TTN: variants seen among roughly 807,000 people sequenced by gnomAD.
TTN encodes the protein connectin.
Under a neutral mutation model 3,223.0 loss-of-function variants are expected in TTN, and 1,525 were observed. The observed-to-expected ratio is 0.47, with a 90% CI of 0.45 to 0.49. The LOEUF (loss-of-function observed/expected upper bound fraction) is 0.49, where lower values mean the gene tolerates loss of function less well. Ranked by LOEUF, TTN falls within the 20% of genes least tolerant of loss-of-function variation. The pLI, the probability that TTN is intolerant of heterozygous loss-of-function variation, is 0.00. For synonymous variants in TTN, 14,094 were observed against 15,161.0 expected (o/e 0.93, Z 5.17); for missense variants, 40,786 against 43,424.0 (o/e 0.94, Z 5.40).
rs397517765 is a variant in TTN, at chr2:178,542,876, C to T, written c.96978G>A (p.Leu32326=). The change falls in exon 348 of 363, where the codon CTG becomes CTA. Residue 32326 remains leucine (L), a synonymous_variant. Coordinates refer to ENST00000589042, the MANE Select transcript of TTN (RefSeq NM_001267550.2). The part of the protein sequence containing the change: ...IHVPAGRPVE[L]VIPIAGRPPP... ...GTGGACGGCCAGCAATAGGTATCAC[C>T]AGCTCTACTGGTCTGCCAGCTGGGA... 1.1e-5 allele frequency: 18 copies of T among 1,613,642 alleles called. No individual in the cohort carries two copies. The highest frequency in any genetic ancestry group is 3.3e-4 in the Middle Eastern group (2 of 6,082).
Position 178,782,280 on chromosome 2 carries a change from T to C in TTN, c.3312A>G (p.Gln1104=). Residue 1104 remains glutamine (Q), a synonymous_variant, in exon 20 of 363, where the codon CAA becomes CAG. Coordinates refer to ENST00000589042, the MANE Select transcript of TTN (RefSeq NM_001267550.2). ...VEGGSVVFGC[Q]VGGNPKPHVY... Reference sequence around the variant, plus strand: ...CATGGGGCTTTGGGTTGCCGCCAACTTGGCATCCAAACACCACGCTCCCAC... The same window carrying C: ...CATGGGGCTTTGGGTTGCCGCCAACCTGGCATCCAAACACCACGCTCCCAC... 1 of 1,614,122 alleles carries C rather than the reference T, an allele frequency of 6.2e-7. No individual in the cohort carries two copies. The highest frequency in any genetic ancestry group is 1.1e-5 in the South Asian group (1 of 91,074).
chr2:178,748,927 A>G (rs367922091), intron 47 of TTN: 17 of 1,612,458 alleles, frequency 1.1e-5, no homozygotes, highest in Non-Finnish European at 1.1e-5. Context: ...AGGCTTTGTC[A>G]TCAATCTTCT....
rs2057437316 is a variant in TTN, at chr2:178,616,904, G to A, written c.47985C>T (p.Thr15995=). 6.2e-7 allele frequency: 1 copy of A among 1,612,562 alleles called. No individual in the cohort carries two copies. The highest frequency in any genetic ancestry group is 1.7e-5 in the Admixed American group (1 of 59,880). The change falls in exon 256 of 363, where the codon ACC becomes ACT. Residue 15995 remains threonine (T), a synonymous_variant. Coordinates refer to ENST00000589042, the MANE Select transcript of TTN (RefSeq NM_001267550.2). ...CTAGTACTTTATCTCCAAAACACCA[G>A]GTTGCAGTTGGCCTTGGATAGCCTG... ...PSTGYPRPTA[T]WCFGDKVLET...
At chr2:178,759,319 T>C (rs1178732122) in intron 43 of TTN, 147 bp from the exon 44 acceptor site, 3 of 753,564 alleles carry the variant, frequency 4.0e-6, no homozygotes, top group Non-Finnish European at 6.6e-6. Flanking sequence ...ATGCCATATC[T>C]ACTATTGTTA....
In TTN at chr2:178,584,872, C is replaced by T. The variant is rs972890341; in HGVS notation, c.64769G>A (p.Ser21590Asn). 6 of 1,613,404 alleles carry T rather than the reference C, an allele frequency of 3.7e-6. No homozygotes were observed. Among genetic ancestry groups the T allele is most frequent in the Middle Eastern group, 1.7e-4 (1 of 6,054 alleles). Reference protein sequence around the residue: ...SWHIPLEDGGSNITNYIVEKC... With the variant: ...SWHIPLEDGGNNITNYIVEKC... ...CTCCACTATATAATTGGTGATGTTA[C>T]TGCCTCCGTCCTCCAGAGGGATGTG... is the stretch of plus-strand genomic sequence containing the variant. The change falls in exon 310 of 363, where the codon AGT becomes AAT. Residue 21590 changes from serine to asparagine, a missense_variant. By Grantham distance (46) the Ser-to-Asn change is conservative. Coordinates refer to ENST00000589042, the MANE Select transcript of TTN (RefSeq NM_001267550.2).
chr2:178,612,464 A>C lies in TTN; in HGVS notation c.50061T>G (p.Ile16687Met), dbSNP rs1559789920. The change falls in exon 266 of 363, where the codon ATT becomes ATG. Residue 16687 changes from isoleucine to methionine, a missense_variant. Ile to Met is a conservative substitution (Grantham distance 10). Transcript: ENST00000589042. ...KDGGSPITNY[I>M]VEKRDVRRKG... ...TTCGCCTGACGTCTCTCTTTTCCAC[A>C]ATGTAGTTGGTGATGGGGGACCCTC... The C allele has an allele frequency of 6.2e-7, 1 of 1,612,214 alleles. No individual in the cohort carries two copies. Among genetic ancestry groups the C allele is most frequent in the East Asian group, 2.2e-5 (1 of 44,542 alleles).
intron 1 of TTN, among the ~76,000 whole-genome samples, chr2:178,805,398 A>C (rs1390722826): frequency 6.6e-6 from 1 of 152,008 alleles, no homozygotes; most frequent in Non-Finnish European, 1.5e-5. Flanking sequence ...CAGCTTAGTA[A>C]GTGAAAATTA....
Position 178,756,686 on chromosome 2 carries a change from T to C in TTN, c.10790A>G (p.Glu3597Gly). The change falls in exon 46 of 363, where the codon GAA becomes GGA. Residue 3597 changes from glutamate (E) to glycine (G), a missense_variant. Physicochemically the swap from Glu to Gly is moderately conservative, Grantham distance 98. Transcript: ENST00000589042. ...TGATGATCCTTGAAATGACTTAATT[T>C]CCTTTTGAGATATTTTGCTCTCCTC... ...TKEESKISQK[E>G]IKSFQGSSYE... 6.2e-7 allele frequency: 1 copy of C among 1,613,840 alleles called. No homozygotes were observed. The highest frequency in any genetic ancestry group is 2.2e-5 in the East Asian group (1 of 44,840).
At position 178,675,555 on chromosome 2, in the gene TTN, G is replaced by T. The variant is rs2067893745; in HGVS notation, c.34537+116C>A. On this transcript the variant is annotated intron_variant, in intron 149 of 362. Transcript: ENST00000589042. ...ACTTGGGTGCAAAAGAGTCAGAAAT[G>T]ACGAATGTGAATGACAGACCATACA... 3.6e-6 allele frequency: 3 copies of T among 829,234 alleles called. No homozygotes were observed. In the Admixed American group the frequency reaches 1.2e-4, roughly 32 times the overall value. 51.4% of individuals were successfully genotyped at this position (829,234 alleles called of 1,614,324 possible). A position where few individuals can be genotyped will look rare whatever the true frequency, so the allele number is the denominator to read the frequency against.
intron 237 of TTN, 40 bp from the exon 238 acceptor site, chr2:178,630,983 G>A (rs1421868471): frequency 3.1e-6 from 5 of 1,611,280 alleles, no homozygotes; most frequent in Admixed American, 1.7e-5. Context: ...TTAGCCTCTG[G>A]CACAAATAAC....
chr2:178,757,449 T>C, intron 45 of TTN, 93 bp downstream of exon 45: 1 of 1,432,104 alleles, frequency 7.0e-7, no homozygotes, highest in Non-Finnish European at 9.2e-7. Flanking sequence ...GACCACAGTA[T>C]GCAATAAAAC....
Position 178,619,815 on chromosome 2 carries a change from G to A in TTN, c.46502C>T (p.Ala15501Val). The A allele has an allele frequency of 6.2e-7, 1 of 1,612,084 alleles. No individual in the cohort carries two copies. Among genetic ancestry groups the A allele is most frequent in the Non-Finnish European group, 8.5e-7 (1 of 1,178,866 alleles). The change falls in exon 250 of 363, where the codon GCA becomes GTA. Residue 15501 changes from alanine to valine, a missense_variant. Ala to Val is a moderately conservative substitution (Grantham distance 64). Coordinates refer to ENST00000589042, the MANE Select transcript of TTN (RefSeq NM_001267550.2). Reference sequence around the variant, plus strand: ...TTCCACCTTATCTTTATTGAGTTCTGCTAAAAAGACAACATCAGCACCAGG... The same window carrying A: ...TTCCACCTTATCTTTATTGAGTTCTACTAAAAAGACAACATCAGCACCAGG... ...EAPGADVVFL[A>V]ELNKDKVEVQ...
In TTN at chr2:178,541,295, G is replaced by A; in HGVS notation, c.97782C>T (p.Ala32594=). 1.3e-6 allele frequency: 2 copies of A among 1,508,436 alleles called. No individual in the cohort carries two copies. Among genetic ancestry groups the A allele is most frequent in the Non-Finnish European group, 1.8e-6 (2 of 1,119,242 alleles). 93.4% of individuals were successfully genotyped at this position (1,508,436 alleles called of 1,614,324 possible). ...KPSRPSKPIV[A]MDPIAPPGKP... ...AAATGTCCTTACCAATTGGATCCAT[G>A]GCAACGATGGGTTTGGAAGGACGAC... Residue 32594 remains alanine, a synonymous_variant, in exon 350 of 363, where the codon GCC becomes GCT. Transcript: ENST00000589042.
Position 178,546,474 on chromosome 2 carries a change from T to C in TTN, c.94857A>G (p.Arg31619=). The part of the protein sequence containing the change: ...YAPPKAELDA[R]LHGDLVTIRA... The stretch of plus-strand genomic sequence containing the variant: ...TGATGGTAACCAGATCACCGTGTAA[T>C]CGGGCATCCAGTTCGGCTTTGGGTG... The change falls in exon 342 of 363, where the codon CGA becomes CGG. Residue 31619 remains arginine, a synonymous_variant. Coordinates refer to ENST00000589042, the MANE Select transcript of TTN (RefSeq NM_001267550.2). 1 of 1,612,852 alleles carries C rather than the reference T, an allele frequency of 6.2e-7. No homozygotes were observed. The highest frequency in any genetic ancestry group is 1.1e-5 in the South Asian group (1 of 91,024).
Position 178,531,464 on chromosome 2 carries a change from A to G in TTN, c.105151T>C (p.Ser35051Pro). The G allele has an allele frequency of 1.2e-6, 2 of 1,613,904 alleles. No homozygotes were observed. The highest frequency in any genetic ancestry group is 8.5e-7 in the Non-Finnish European group (1 of 1,179,886). The change falls in exon 358 of 363, where the codon TCT (serine) becomes CCT (proline). Residue 35051 changes from serine to proline, a missense_variant. Transcript: ENST00000589042. ...GTTCTTGTCAGCTCAGGGAAAACAG[A>G]TCTGGGGACCTCTTCATCTCTGCGT... ...SQRRDEEVPR[S>P]VFPELTRTEA...
chr2:178,610,589 C>T (rs1219646339), intron 270 of TTN, among the ~76,000 whole-genome samples, 200 bp from the exon 271 acceptor site: 1 of 151,844 alleles, frequency 6.6e-6, no homozygotes, highest in African/African-American at 2.4e-5. Context: ...GTCTGTGTGC[C>T]AAGCAAAAAT....
Position 178,581,428 on chromosome 2 carries a change from G to T in TTN, c.66769+71C>A. 2.3e-6 allele frequency: 3 copies of T among 1,313,974 alleles called. No homozygotes were observed. The South Asian group carries it at 4.5e-5, about 20-fold the overall frequency. The allele number at this position is 1,313,974 out of a possible 1,614,324, so 81.4% of individuals were successfully genotyped here. Reference sequence around the variant, plus strand: ...TTGTTAATAAATTAATCTACCTAAGGGAGTTCTAGTCTCCCTCTTAGAATA... The same window carrying T: ...TTGTTAATAAATTAATCTACCTAAGTGAGTTCTAGTCTCCCTCTTAGAATA... On this transcript the variant is annotated intron_variant, in intron 316 of 362. Transcript: ENST00000589042.
Position 178,689,388 on chromosome 2 carries a change from T to G in TTN, c.31928-15A>C. On this transcript the variant is annotated splice_polypyrimidine_tract_variant and intron_variant, in intron 123 of 362. Coordinates refer to ENST00000589042, the MANE Select transcript of TTN (RefSeq NM_001267550.2). ...TATTTCTGGCACTTAAAGGATAGTATTGAATTTTAAAATTTGTCAAAAAGG... is the reference window on the plus strand; with the variant it reads ...TATTTCTGGCACTTAAAGGATAGTAGTGAATTTTAAAATTTGTCAAAAAGG... 6.2e-7 allele frequency: 1 copy of G among 1,613,266 alleles called. No individual in the cohort carries two copies. Among genetic ancestry groups the G allele is most frequent in the Non-Finnish European group, 8.5e-7 (1 of 1,179,646 alleles).
At position 178,532,401 on chromosome 2, in the gene TTN, T is replaced by C; in HGVS notation, c.104214A>G (p.Glu34738=). ...YSTYHIPTKA[E]ASTSYAELRE... ...TCAGTTCTGCATAACTTGTACTAGC[T>C]TCAGCCTTCGTTGGGATGTGATAGG... The change falls in exon 358 of 363, where the codon GAA becomes GAG. Residue 34738 remains glutamate (E), a synonymous_variant. Transcript: ENST00000589042. The C allele has an allele frequency of 6.2e-7, 1 of 1,613,996 alleles. No individual in the cohort carries two copies. Among genetic ancestry groups the C allele is most frequent in the Non-Finnish European group, 8.5e-7 (1 of 1,179,880 alleles).
Sources: allele counts gnomAD v4.1 joint callset (sites outside exome capture counted in the v4.1 genomes callset), GRCh38; gene constraint gnomAD v4.1.1; transcripts MANE v1.5; gene names NCBI Gene and HGNC (gene_info 2026-07-23, HGNC 2026-07-21).